PSTPIP2: variants seen among roughly 807,000 people sequenced by gnomAD.
PSTPIP2 encodes proline-serine-threonine phosphatase-interacting protein 2.
In PSTPIP2, 33 loss-of-function variants were observed where a neutral mutation model predicts 63.3. The observed-to-expected ratio is 0.52, with a 90% CI of 0.40 to 0.70. The LOEUF is 0.70. PSTPIP2 is among the 30% of genes least tolerant of loss of function. The pLI is 0.00. For missense variants in PSTPIP2, 312 were observed against 400.7 expected, an observed-to-expected ratio of 0.78 and a Z score of 1.89; for synonymous variants, 125 against 132.7, an observed-to-expected ratio of 0.94 and a Z score of 0.40.
chr18:46,049,407 A>G (rs1392345846), intron 1 of PSTPIP2, among the ~76,000 whole-genome samples: 1 of 152,092 alleles, frequency 6.6e-6, no homozygotes, highest in African/African-American at 2.4e-5. Context: ...ACAAACCCCC[A>G]TGACACAAGT....
chr18:46,067,330 G>A (rs1217861041), intron 1 of PSTPIP2, among the ~76,000 whole-genome samples: 6 of 151,358 alleles, frequency 4.0e-5, no homozygotes, highest in African/African-American at 4.9e-5. Flanking sequence ...GTGAAACCCC[G>A]TCTCTACTAA....
chr18:46,005,554 CTT>C, intron 5 of PSTPIP2, 23 bp from the exon 6 acceptor site: 3 of 1,506,550 alleles, frequency 2.0e-6, no homozygotes, highest in Non-Finnish European at 2.7e-6. Context: ...CATAAACACT[CTT>C]AATAAAAACA....
intron 1 of PSTPIP2, among the ~76,000 whole-genome samples, chr18:46,054,893 G>A (rs934875960): frequency 5.9e-5 from 9 of 151,868 alleles, no homozygotes; most frequent in African/African-American, 1.5e-4. Context: ...TCCTGACCTC[G>A]TTATCCACCC....
At chr18:46,041,176 G>T (rs535966067) in intron 1 of PSTPIP2, 8 of 411,314 alleles carry the variant, frequency 1.9e-5, no homozygotes, top group Non-Finnish European at 3.9e-5. Flanking sequence ...CTGTCCACTG[G>T]GAAGCATGAA....
intron 1 of PSTPIP2, among the ~76,000 whole-genome samples, chr18:46,056,669 G>A (rs1048635592): frequency 1.3e-5 from 2 of 152,198 alleles, no homozygotes; most frequent in Non-Finnish European, 2.9e-5. Flanking sequence ...CAAAGCTGCA[G>A]TGAGGTATGG....
intron 1 of PSTPIP2, among the ~76,000 whole-genome samples, chr18:46,066,639 C>T (rs1473080066): frequency 6.6e-6 from 1 of 152,212 alleles, no homozygotes; most frequent in African/African-American, 2.4e-5. Flanking sequence ...TGCACCCCTT[C>T]TTGAGTATAG....
intron 13 of PSTPIP2, among the ~76,000 whole-genome samples, chr18:45,989,173 A>G (rs2051497342): frequency 6.6e-6 from 1 of 152,150 alleles, no homozygotes; most frequent in Non-Finnish European, 1.5e-5. Context: ...GTGCAGCATA[A>G]ACTGTCCTCC....
At chr18:45,994,650 G>A (rs2051574669) in intron 9 of PSTPIP2, among the ~76,000 whole-genome samples, 1 of 152,114 alleles carries the variant, frequency 6.6e-6, no homozygotes, top group South Asian at 2.1e-4. Context: ...ATATACAAGT[G>A]TAGAGAGGTA....
chr18:46,071,605 A>AG (rs1909395244), intron 1 of PSTPIP2, among the ~76,000 whole-genome samples: 1 of 152,098 alleles, frequency 6.6e-6, no homozygotes, highest in Non-Finnish European at 1.5e-5. Flanking sequence ...GCTCCAGCAA[A>AG]GGGAAGCCCT....
intron 2 of PSTPIP2, among the ~76,000 whole-genome samples, chr18:46,027,638 C>A (rs1350335096): frequency 1.3e-5 from 2 of 151,768 alleles, no homozygotes; most frequent in Admixed American, 1.3e-4. Flanking sequence ...TGCAGTGAAC[C>A]GTGACTGCGC....
chr18:46,026,704 C>T (rs1391454755), intron 2 of PSTPIP2, among the ~76,000 whole-genome samples: 3 of 151,960 alleles, frequency 2.0e-5, no homozygotes, highest in Middle Eastern at 3.4e-3. Flanking sequence ...AGCAAGACCG[C>T]GCCTCTACAA....
Position 45,984,037 on chromosome 18 carries a change from A to C in PSTPIP2, c.*1422T>G. On this transcript the variant is annotated 3_prime_UTR_variant, in exon 15 of 15. Transcript: ENST00000409746. ...GTGGTGGGTGCCTGTAATCCCAGCT[A>C]CTCAGGAGGCTGAGGCAGGAGAATC... 6.6e-6 allele frequency: 1 copy of C among 152,102 alleles called. No homozygotes were observed. Among genetic ancestry groups the C allele is most frequent in the Non-Finnish European group, 1.5e-5 (1 of 68,096 alleles). The allele number at this position is 152,102 out of a possible 1,614,324, so 9.4% of individuals were successfully genotyped here.
At chr18:46,000,992 C>T (rs1266311661) in intron 6 of PSTPIP2, among the ~76,000 whole-genome samples, 1 of 152,104 alleles carries the variant, frequency 6.6e-6, no homozygotes, top group Non-Finnish European at 1.5e-5. Flanking sequence ...AACACTACTC[C>T]ACTATAAAAA....
chr18:46,017,753 T>G (rs1002441577), intron 3 of PSTPIP2, among the ~76,000 whole-genome samples: 5 of 152,180 alleles, frequency 3.3e-5, no homozygotes, highest in Non-Finnish European at 1.5e-5. Context: ...CTCATGTACT[T>G]ACACTTTTTG....
At chr18:45,992,283 C>A (rs903969613) in intron 10 of PSTPIP2, 81 bp from the exon 11 acceptor site, 2 of 1,226,562 alleles carry the variant, frequency 1.6e-6, no homozygotes, top group Non-Finnish European at 2.3e-6. Flanking sequence ...GGGTTTGAGG[C>A]GGGGCGCAGT....
At chr18:46,043,604 C>T (rs764904617) in intron 1 of PSTPIP2, among the ~76,000 whole-genome samples, 13 of 152,164 alleles carry the variant, frequency 8.5e-5, no homozygotes, top group Non-Finnish European at 1.6e-4. Context: ...AACAAGGCAA[C>T]GATGTCTGCT....
intron 1 of PSTPIP2, among the ~76,000 whole-genome samples, chr18:46,059,005 A>G (rs376186304): frequency 6.6e-6 from 1 of 151,458 alleles, no homozygotes; most frequent in East Asian, 1.9e-4. Context: ...TTTAGGGGGA[A>G]ATCCTCTTAA....
chr18:46,049,993 A>G (rs191515795), intron 1 of PSTPIP2, among the ~76,000 whole-genome samples: 64 of 152,332 alleles, frequency 4.2e-4, no homozygotes, highest in African/African-American at 1.5e-3. Context: ...TAAGAGAATC[A>G]ATATTAATAA....
intron 2 of PSTPIP2, among the ~76,000 whole-genome samples, chr18:46,034,464 T>C (rs754378477): frequency 6.4e-4 from 97 of 152,220 alleles, no homozygotes; most frequent in Non-Finnish European, 1.2e-3. Context: ...TTACTCATAT[T>C]GTAATCTTGG....
Sources: gnomAD v4.1 joint callset for allele counts (sites outside exome capture counted in the v4.1 genomes callset) on GRCh38, gnomAD v4.1.1 for gene constraint, MANE v1.5 for transcripts, NCBI Gene and HGNC (gene_info 2026-07-23, HGNC 2026-07-21) for gene names.